Variants in CHRDL1 observed in about 807,000 individuals in gnomAD.
CHRDL1 encodes chordin-like protein 1.
A neutral mutation model predicts 40.9 loss-of-function variants in CHRDL1; 19 were observed. The ratio of observed to expected loss-of-function variants is 0.46; its 90% CI spans 0.32 to 0.68. CHRDL1 has a LOEUF of 0.68. Among genes scored for constraint, CHRDL1 ranks in the 30% least tolerant of loss-of-function variants. The pLI is 0.03. For missense variants in CHRDL1, 329 were observed against 352.1 expected, an observed-to-expected ratio of 0.93 and a Z score of 0.53; for synonymous variants, 136 against 123.4, an observed-to-expected ratio of 1.10 and a Z score of -0.68.
intron 4 of CHRDL1, among the ~76,000 whole-genome samples, chrX:110,734,495 C>A (rs2071228526): frequency 8.9e-6 from 1 of 111,823 alleles, no homozygotes; most frequent in South Asian, 3.8e-4. Context: ...AATCTCATTA[C>A]ATAAGCCTCC....
chrX:110,732,175 A>C (rs769204043), intron 4 of CHRDL1, among the ~76,000 whole-genome samples: 9 of 111,262 alleles, frequency 8.1e-5, no homozygotes, highest in Non-Finnish European at 1.7e-4. Flanking sequence ...AGTCAATCTC[A>C]AGTCATAATT....
chrX:110,770,647 A>G (rs2089740289), intron 2 of CHRDL1, among the ~76,000 whole-genome samples: 1 of 111,717 alleles, frequency 9.0e-6, no homozygotes, highest in Admixed American at 9.5e-5. Context: ...AAAAAGAGAG[A>G]AGACAAAAAC....
intron 4 of CHRDL1, among the ~76,000 whole-genome samples, chrX:110,753,692 A>G (rs985048795): frequency 8.9e-6 from 1 of 112,092 alleles, no homozygotes; most frequent in Non-Finnish European, 1.9e-5. Flanking sequence ...AGACATAGTC[A>G]TAGACCTAGA....
intron 4 of CHRDL1, among the ~76,000 whole-genome samples, chrX:110,746,879 C>A (rs772251187): frequency 8.9e-6 from 1 of 111,818 alleles, no homozygotes; most frequent in East Asian, 2.8e-4. Context: ...TTTCCCATAT[C>A]AACTTTCTTG....
chrX:110,793,690 T>C (rs781582460), intron 1 of CHRDL1, among the ~76,000 whole-genome samples: 33 of 112,469 alleles, frequency 2.9e-4, no homozygotes, highest in Non-Finnish European at 4.7e-4. Context: ...AAGAGAAAGA[T>C]TTTTAACCAC....
At chrX:110,766,552 C>T (rs1447622481) in intron 2 of CHRDL1, among the ~76,000 whole-genome samples, 3 of 111,496 alleles carry the variant, frequency 2.7e-5, no homozygotes, top group Non-Finnish European at 5.7e-5. Flanking sequence ...TTCAAGACTA[C>T]TATGAACACC....
intron 6 of CHRDL1, among the ~76,000 whole-genome samples, chrX:110,713,339 G>A (rs1406254838): frequency 8.9e-6 from 1 of 111,929 alleles, no homozygotes; most frequent in Admixed American, 9.5e-5. Flanking sequence ...GCAGTGCCAG[G>A]CTCTTAGTGA....
chrX:110,699,351 T>C (rs1421834538), intron 7 of CHRDL1, among the ~76,000 whole-genome samples: 1 of 111,654 alleles, frequency 9.0e-6, no homozygotes, highest in Non-Finnish European at 1.9e-5. Context: ...GTCATTCTAC[T>C]GCATCCCCTA....
Position 110,681,506 on chromosome X carries a change from C to T in CHRDL1, c.1132G>A (p.Val378Ile). Residue 378 changes from valine (V) to isoleucine (I), a missense_variant, in exon 10 of 12, where the codon GTC becomes ATC. Physicochemically the swap from Val to Ile is conservative, Grantham distance 29. Transcript: ENST00000372042. ...CCCTTTCGAATAGTCCAAACGTGGA[C>T]CTCTACCTGAGGTGGTCTCTCAGTC... is the stretch of plus-strand genomic sequence containing the variant. ...LETERPPQVE[V>I]HVWTIRKGIL... 4.1e-6 allele frequency: 5 copies of T among 1,210,191 alleles called. No homozygotes were observed. The highest frequency in any genetic ancestry group is 5.6e-6 in the Non-Finnish European group (5 of 894,271).
chrX:110,789,510 A>G (rs948901437), intron 2 of CHRDL1, among the ~76,000 whole-genome samples: 4 of 112,418 alleles, frequency 3.6e-5, no homozygotes, highest in Non-Finnish European at 7.5e-5. Flanking sequence ...ATATCTACAA[A>G]TATAGACTGG....
At chrX:110,706,593 AGCAG>A (rs751715655) in intron 6 of CHRDL1, among the ~76,000 whole-genome samples, 1 of 111,722 alleles carries the variant, frequency 9.0e-6, no homozygotes, top group South Asian at 3.8e-4. Flanking sequence ...TGGTGGCTTG[AGCAG>A]GTCAGAGAGG....
At chrX:110,731,538 T>G (rs770597003) in intron 4 of CHRDL1, among the ~76,000 whole-genome samples, 1 of 111,773 alleles carries the variant, frequency 8.9e-6, no homozygotes, top group East Asian at 2.8e-4. Context: ...GATATGTGTA[T>G]ATGAAAGTTT....
intron 4 of CHRDL1, among the ~76,000 whole-genome samples, chrX:110,756,235 C>CA (rs1569479453): frequency 4.5e-5 from 5 of 111,194 alleles, no homozygotes. Context: ...TTCAGAAACA[C>CA]AAAAAAACTC....
Position 110,676,223 on chromosome X carries a change from T to C in CHRDL1, c.*8A>G. On this transcript the variant is annotated 3_prime_UTR_variant, in exon 12 of 12. Transcript: ENST00000372042. Reference sequence around the variant, plus strand: ...TTGCTTTACCCTATCCAATACTGTCTGTCTTGCCTAACAGTGGCCCTTTTC... The same window carrying C: ...TTGCTTTACCCTATCCAATACTGTCCGTCTTGCCTAACAGTGGCCCTTTTC... The C allele has an allele frequency of 8.3e-7, 1 of 1,208,267 alleles. No individual in the cohort carries two copies. Among genetic ancestry groups the C allele is most frequent in the Non-Finnish European group, 1.1e-6 (1 of 893,282 alleles).
chrX:110,689,488 ATC>A (rs1370435454), intron 8 of CHRDL1, among the ~76,000 whole-genome samples: 1 of 49,697 alleles, frequency 2.0e-5, no homozygotes, highest in African/African-American at 3.0e-4. Flanking sequence ...ATATATCTAT[ATC>A]TCTATATATC....
At chrX:110,680,741 G>A (rs1189218547) in intron 10 of CHRDL1, among the ~76,000 whole-genome samples, 1 of 112,018 alleles carries the variant, frequency 8.9e-6, no homozygotes, top group Non-Finnish European at 1.9e-5. Context: ...TGGATTGTGA[G>A]GAACCTTGAC....
At chrX:110,718,257 T>A (rs1429532144) in intron 6 of CHRDL1, among the ~76,000 whole-genome samples, 4 of 112,040 alleles carry the variant, frequency 3.6e-5, no homozygotes, top group Non-Finnish European at 7.5e-5. Context: ...ACCCTTTTTC[T>A]CACACTGGAA....
At chrX:110,759,622 A>G in intron 4 of CHRDL1, 39 bp downstream of exon 4, 2 of 948,274 alleles carry the variant, frequency 2.1e-6, no homozygotes, top group Non-Finnish European at 3.1e-6. Context: ...AGGGAAATGG[A>G]GAACCACAGC....
At chrX:110,692,343 G>A (rs998438187) in intron 8 of CHRDL1, among the ~76,000 whole-genome samples, 8 of 111,523 alleles carry the variant, frequency 7.2e-5, no homozygotes, top group African/African-American at 2.6e-4. Flanking sequence ...TGGGGGTGGG[G>A]ACAAGTGATT....
Sources: gnomAD v4.1 joint callset for allele counts (sites outside exome capture counted in the v4.1 genomes callset) on GRCh38, gnomAD v4.1.1 for gene constraint, MANE v1.5 for transcripts, NCBI Gene and HGNC (gene_info 2026-07-23, HGNC 2026-07-21) for gene names.